Variants in EYA3 observed in about 807,000 individuals in gnomAD.
EYA3 encodes the protein EYA transcriptional coactivator and phosphatase 3.
EYA3 carries 39 observed loss-of-function variants against 80.0 expected under a neutral mutation model. That is an observed-to-expected ratio of 0.49 (90% CI 0.38 to 0.64). EYA3 has a LOEUF of 0.64. EYA3 is among the 30% of genes least tolerant of loss of function. The pLI, the probability that EYA3 is intolerant of heterozygous loss-of-function variation, is 0.00. For missense variants in EYA3, 523 were observed against 676.1 expected (o/e 0.77, Z 2.51); for synonymous variants, 206 against 232.8 (o/e 0.88, Z 1.05).
intron 2 of EYA3, among the ~76,000 whole-genome samples, chr1:28,049,994 A>G (rs572180294): frequency 6.6e-6 from 1 of 152,198 alleles, no homozygotes; most frequent in East Asian, 1.9e-4. Flanking sequence ...TGAGTAACCA[A>G]AACAGTCTAT....
intron 6 of EYA3, among the ~76,000 whole-genome samples, chr1:28,028,596 T>TA (rs397831397): frequency 7.3e-5 from 11 of 151,376 alleles, no homozygotes; most frequent in South Asian, 6.3e-4. Context: ...TTTTTTTTTT[T>TA]AAATAAGATA....
intron 1 of EYA3, among the ~76,000 whole-genome samples, chr1:28,070,484 C>A (rs1405696730): frequency 1.3e-5 from 2 of 152,050 alleles, no homozygotes; most frequent in South Asian, 4.1e-4. Flanking sequence ...ATCACTTGAA[C>A]CCAGGAGGCA....
intron 17 of EYA3, among the ~76,000 whole-genome samples, chr1:27,977,830 A>T (rs1639026269): frequency 6.7e-6 from 1 of 149,622 alleles, no homozygotes; most frequent in African/African-American, 2.5e-5. Context: ...CCTGGGAGAT[A>T]GAGTGAGACT....
chr1:28,051,671 G>A (rs893120402), intron 2 of EYA3, among the ~76,000 whole-genome samples: 3 of 151,868 alleles, frequency 2.0e-5, no homozygotes, highest in African/African-American at 7.3e-5. Flanking sequence ...TGGGTGACAA[G>A]GCAAGACTCT....
intron 11 of EYA3, among the ~76,000 whole-genome samples, chr1:28,002,435 T>C (rs571288190): frequency 2.0e-5 from 3 of 150,864 alleles, no homozygotes; most frequent in Admixed American, 1.3e-4. Flanking sequence ...ATATAATTTT[T>C]TTAATTTTAT....
Position 28,015,415 on chromosome 1 carries a change from C to T in EYA3, c.585+1739G>A, listed in dbSNP as rs145994332. On this transcript the variant is annotated intron_variant, in intron 8 of 17. Coordinates refer to ENST00000373871, the MANE Select transcript of EYA3 (RefSeq NM_001990.4). ...ATGGGGACTCTCAAATTCAAACCAA[C>T]GAATAAAAACATGAAAAGAAGGAGA... is the stretch of plus-strand genomic sequence containing the variant. Among the ~76,000 whole-genome samples, 372 of 152,082 alleles carry T rather than the reference C, an allele frequency of 2.4e-3. 3 individuals carry two copies. Among genetic ancestry groups the T allele is most frequent in the African/African-American group, 7.8e-3 (325 of 41,510 alleles).
At chr1:28,033,424 AC>A (rs978424043) in intron 6 of EYA3, among the ~76,000 whole-genome samples, 13 of 152,150 alleles carry the variant, frequency 8.5e-5, no homozygotes, top group Admixed American at 7.2e-4. Flanking sequence ...CTCATACATT[AC>A]TTAAAGTCAA....
intron 1 of EYA3, among the ~76,000 whole-genome samples, chr1:28,076,569 T>G (rs373782687): frequency 6.7e-6 from 1 of 149,948 alleles, no homozygotes; most frequent in African/African-American, 2.4e-5. Flanking sequence ...AAATTAGCTG[T>G]GTGTGGTGGC....
intron 17 of EYA3, among the ~76,000 whole-genome samples, chr1:27,977,941 C>T (rs1400278266): frequency 6.6e-6 from 1 of 151,862 alleles, no homozygotes; most frequent in Admixed American, 6.6e-5. Flanking sequence ...ACAATCTTTC[C>T]AGGGCTCAAA....
At chr1:28,065,781 G>A (rs1417643249) in intron 1 of EYA3, among the ~76,000 whole-genome samples, 1 of 151,040 alleles carries the variant, frequency 6.6e-6, no homozygotes, top group East Asian at 2.0e-4. Context: ...GAGGCGGGCG[G>A]ATCATGAGGT....
intron 7 of EYA3, among the ~76,000 whole-genome samples, chr1:28,026,851 C>A (rs942127734): frequency 6.6e-6 from 1 of 151,722 alleles, no homozygotes; most frequent in Non-Finnish European, 1.5e-5. Flanking sequence ...GGTCTCAGAA[C>A]ATAGAGACCA....
rs1265677713 is a variant in EYA3 at position 28,038,883 on chromosome 1, G to A, written c.180C>T (p.Ile60=). ...SEEIMTCTDY[I]PRSSNDYTSQ... ...AGGTATAATCATTGGATGAGCGAGGGATGTAATCGGTGCATGTCATAACTG... is the reference window on the plus strand; with the variant it reads ...AGGTATAATCATTGGATGAGCGAGGAATGTAATCGGTGCATGTCATAACTG... Residue 60 remains isoleucine (I), a synonymous_variant, in exon 5 of 18, where the codon ATC becomes ATT. Transcript: ENST00000373871. The A allele has an allele frequency of 6.2e-7, 1 of 1,600,372 alleles. No homozygotes were observed.
chr1:28,039,207 C>T (rs762328725), intron 4 of EYA3, among the ~76,000 whole-genome samples: 2 of 152,130 alleles, frequency 1.3e-5, no homozygotes, highest in African/African-American at 4.8e-5. Context: ...TCTAAGCTTT[C>T]GGCTATGCTG....
At chr1:28,002,886 C>T (rs533075075) in intron 11 of EYA3, among the ~76,000 whole-genome samples, 6 of 151,708 alleles carry the variant, frequency 4.0e-5, no homozygotes, top group African/African-American at 1.5e-4. Context: ...TTTGGAAGAC[C>T]GAGGCAGGCG....
chr1:27,994,644 G>A (rs1640303930), intron 13 of EYA3, among the ~76,000 whole-genome samples: 2 of 152,118 alleles, frequency 1.3e-5, no homozygotes, highest in African/African-American at 4.8e-5. Context: ...CCAAGATCAC[G>A]CCACTGCACT....
chr1:28,051,686 A>AAAAC (rs532378444), intron 2 of EYA3, among the ~76,000 whole-genome samples: 8 of 152,184 alleles, frequency 5.3e-5, no homozygotes, highest in African/African-American at 1.2e-4. Context: ...GACTCTGTCT[A>AAAAC]AAACAAACAA....
chr1:28,050,112 C>T (rs917318612), intron 2 of EYA3, among the ~76,000 whole-genome samples: 1 of 151,278 alleles, frequency 6.6e-6, no homozygotes, highest in African/African-American at 2.4e-5. Context: ...AGTTAATCAA[C>T]TCCAAAAGAA....
At chr1:28,014,197 G>C (rs186442592) in intron 8 of EYA3, among the ~76,000 whole-genome samples, 2 of 151,988 alleles carry the variant, frequency 1.3e-5, no homozygotes, top group East Asian at 1.9e-4. Context: ...TGGGAGGATC[G>C]CATGAGCTCA....
intron 11 of EYA3, among the ~76,000 whole-genome samples, chr1:28,002,631 C>T (rs1028043708): frequency 1.3e-5 from 2 of 151,252 alleles, no homozygotes; most frequent in South Asian, 2.1e-4. Flanking sequence ...GGCAACATGG[C>T]GAGATCCCAT....
Sources: gnomAD v4.1 joint callset for allele counts (sites outside exome capture counted in the v4.1 genomes callset) on GRCh38, gnomAD v4.1.1 for gene constraint, MANE v1.5 for transcripts, NCBI Gene and HGNC (gene_info 2026-07-23, HGNC 2026-07-21) for gene names.